OSBP2: variants seen among roughly 807,000 people sequenced by gnomAD.
The protein encoded by OSBP2 is oxysterol-binding protein 2.
OSBP2 carries 66 observed loss-of-function variants against 96.0 expected under a neutral mutation model. The ratio of observed to expected loss-of-function variants is 0.69; its 90% CI spans 0.56 to 0.84. The LOEUF (loss-of-function observed/expected upper bound fraction) is 0.84. Among genes scored for constraint, OSBP2 ranks in the 40% least tolerant of loss-of-function variants. OSBP2 has a pLI of 0.00. For synonymous variants in OSBP2, 525 were observed against 520.9 expected (o/e 1.01, Z -0.11); for missense variants, 1,038 against 1,222.7 (o/e 0.85, Z 2.25).
intron 2 of OSBP2, among the ~76,000 whole-genome samples, chr22:30,742,631 G>A (rs1160619919): frequency 6.6e-6 from 1 of 152,110 alleles, no homozygotes; most frequent in African/African-American, 2.4e-5. Flanking sequence ...TTAGCAATAT[G>A]TCTTGGAAAT....
intron 13 of OSBP2, 45 bp downstream of exon 13, chr22:30,906,114 G>T (rs112447494): frequency 1.3e-6 from 2 of 1,520,096 alleles, no homozygotes; most frequent in Admixed American, 3.4e-5. Flanking sequence ...GGAAAGGGGT[G>T]CCCGGGTGGG....
chr22:30,849,412 G>A (rs977339353), intron 2 of OSBP2, among the ~76,000 whole-genome samples: 16 of 152,208 alleles, frequency 1.1e-4, no homozygotes, highest in Non-Finnish European at 1.9e-4. Context: ...ACCTGGAATT[G>A]TTGGTCTTTT....
At chr22:30,783,745 ACGG>A (rs1239320237) in intron 2 of OSBP2, among the ~76,000 whole-genome samples, 1 of 152,200 alleles carries the variant, frequency 6.6e-6, no homozygotes, top group Non-Finnish European at 1.5e-5. Flanking sequence ...AACGCAACTT[ACGG>A]CGATTTCTTA....
At chr22:30,753,212 T>A (rs2145759002) in intron 2 of OSBP2, among the ~76,000 whole-genome samples, 1 of 152,050 alleles carries the variant, frequency 6.6e-6, no homozygotes, top group African/African-American at 2.4e-5. Flanking sequence ...TAGCACAGTG[T>A]AAGGTAGGAG....
At chr22:30,739,971 G>A (rs763968226) in intron 1 of OSBP2, among the ~76,000 whole-genome samples, 5 of 151,968 alleles carry the variant, frequency 3.3e-5, no homozygotes, top group African/African-American at 4.8e-5. Context: ...TCAGCCTCCC[G>A]AGTAGCTGGG....
chr22:30,823,987 GT>G (rs1051513145), intron 2 of OSBP2, among the ~76,000 whole-genome samples: 1 of 152,008 alleles, frequency 6.6e-6, no homozygotes, highest in Non-Finnish European at 1.5e-5. Context: ...AAAAGACATT[GT>G]TTTTTTTCTC....
At chr22:30,775,263 C>T (rs1255032540) in intron 2 of OSBP2, among the ~76,000 whole-genome samples, 4 of 152,060 alleles carry the variant, frequency 2.6e-5, no homozygotes, top group Non-Finnish European at 4.4e-5. Flanking sequence ...ACAGCAAACC[C>T]CATCTGTGCA....
At chr22:30,748,516 TA>T (rs1370978259) in intron 2 of OSBP2, among the ~76,000 whole-genome samples, 1 of 152,210 alleles carries the variant, frequency 6.6e-6, no homozygotes, top group Non-Finnish European at 1.5e-5. Context: ...GGCCAGACAC[TA>T]AGTTTGTTAC....
Position 30,887,488 on chromosome 22 carries a change from G to A in OSBP2, c.1170G>A (p.Gln390=), listed in dbSNP as rs776358211. The A allele has an allele frequency of 3.1e-6, 5 of 1,613,848 alleles. No homozygotes were observed. In the East Asian group the frequency reaches 1.1e-4, roughly 36 times the overall value. The change falls in exon 4 of 14, where the codon CAG becomes CAA. Residue 390 remains glutamine (Q), a synonymous_variant. Transcript: ENST00000332585. ...GTCGGAAATGGCAGCGGGCACTGCA[G>A]TATGAGCAGGAGCAGCGCGTGCACT... is the stretch of plus-strand genomic sequence containing the variant. The part of the protein sequence containing the change: ...IHSRKWQRAL[Q]YEQEQRVHLE...
chr22:30,905,891 G>A lies in OSBP2; in HGVS notation c.2430G>A (p.Glu810=), dbSNP rs369392990. The change falls in exon 13 of 14, where the codon GAG becomes GAA. Residue 810 remains glutamate, a synonymous_variant. Transcript: ENST00000332585. ...YFSELALTLN[E]HEEGVAPTDS... The stretch of plus-strand genomic sequence containing the variant: ...CAGAGCTGGCCCTGACCCTCAACGA[G>A]CACGAGGAGGGCGTAGCGCCAACCG... The A allele has an allele frequency of 2.4e-5, 39 of 1,613,250 alleles. No individual in the cohort carries two copies. Among genetic ancestry groups the A allele is most frequent in the African/African-American group, 4.0e-5 (3 of 74,938 alleles).
chr22:30,780,302 T>C (rs1235718246), intron 2 of OSBP2, among the ~76,000 whole-genome samples: 1 of 152,218 alleles, frequency 6.6e-6, no homozygotes. Context: ...TCCAGTAGCA[T>C]GTCCTGTGAA....
rs1295069627 is a variant in OSBP2 at position 30,725,180 on chromosome 22, AC to A, written c.645-15980del. Among the ~76,000 whole-genome samples, 484 of 86,856 alleles carry A rather than the reference AC, an allele frequency of 5.6e-3. 16 individuals are homozygous for A. The highest frequency in any genetic ancestry group is 8.8e-3 in the Non-Finnish European group (335 of 38,264). 57.0% of individuals were successfully genotyped at this position (86,856 alleles called of 152,430 possible). The stretch of plus-strand genomic sequence containing the variant: ...GACAGAGCAAGACTCTGTCTCAAAA[AC>A]AAAAAAACAAAAAAACAAAAAAAAA... On this transcript the variant is annotated intron_variant, in intron 1 of 13. Transcript: ENST00000332585.
chr22:30,875,887 G>T (rs1021197574), intron 3 of OSBP2, among the ~76,000 whole-genome samples: 1 of 152,272 alleles, frequency 6.6e-6, no homozygotes, highest in African/African-American at 2.4e-5. Context: ...GCCAGGCAGG[G>T]ACTCGCAGGG....
Position 30,906,072 on chromosome 22 carries a change from G to C in OSBP2, c.2608+3G>C, listed in dbSNP as rs370721848. 1 of 1,569,388 alleles carries C rather than the reference G, an allele frequency of 6.4e-7. No individual in the cohort carries two copies. Among genetic ancestry groups the C allele is most frequent in the Non-Finnish European group, 8.6e-7 (1 of 1,159,064 alleles). On this transcript the variant is annotated splice_donor_region_variant and intron_variant, in intron 13 of 13. Coordinates refer to ENST00000332585, the MANE Select transcript of OSBP2 (RefSeq NM_030758.4). ...CAGCAGCTGCAGCTCGGAGGAAGGT[G>C]AGGCCGGGCGGGAAGGGCGCCCCGG...
At chr22:30,752,945 C>T (rs1054053997) in intron 2 of OSBP2, among the ~76,000 whole-genome samples, 3 of 152,166 alleles carry the variant, frequency 2.0e-5, no homozygotes, top group African/African-American at 7.2e-5. Flanking sequence ...GGCAGCTGTG[C>T]CTGAATTCCA....
At chr22:30,787,995 C>T (rs1041235278) in intron 2 of OSBP2, among the ~76,000 whole-genome samples, 5 of 152,192 alleles carry the variant, frequency 3.3e-5, no homozygotes, top group Non-Finnish European at 1.5e-5. Flanking sequence ...CTTCAGTAGG[C>T]AGAGCCAAGC....
intron 1 of OSBP2, among the ~76,000 whole-genome samples, chr22:30,734,859 C>G (rs1422465259): frequency 6.6e-6 from 1 of 152,094 alleles, no homozygotes; most frequent in Non-Finnish European, 1.5e-5. Context: ...CTGTATAATT[C>G]CTTCCAAATA....
chr22:30,902,853 G>A (rs895634614), intron 12 of OSBP2: 8 of 312,266 alleles, frequency 2.6e-5, no homozygotes, highest in African/African-American at 1.7e-4. Flanking sequence ...CCTGGGCCAT[G>A]TTCCTGCAGC....
At chr22:30,709,370 G>C (rs925899341) in intron 1 of OSBP2, among the ~76,000 whole-genome samples, 10 of 152,118 alleles carry the variant, frequency 6.6e-5, no homozygotes, top group Non-Finnish European at 2.9e-5. Context: ...TCTCTCCTCT[G>C]TAAGGTCTTA....
Sources: gnomAD v4.1 joint callset for allele counts (sites outside exome capture counted in the v4.1 genomes callset) on GRCh38, gnomAD v4.1.1 for gene constraint, MANE v1.5 for transcripts, NCBI Gene and HGNC (gene_info 2026-07-23, HGNC 2026-07-21) for gene names.